The following SIDT1 variants were observed in gnomAD, a reference collection of about 807,000 sequenced individuals.
SIDT1 encodes the protein SID1 transmembrane family, member 1.
In SIDT1, 101 loss-of-function variants were observed where a neutral mutation model predicts 107.5. That is an observed-to-expected ratio of 0.94 (90% CI 0.80 to 1.11). The LOEUF (loss-of-function observed/expected upper bound fraction) is 1.11. Ranked by LOEUF, SIDT1 falls within the 50% of genes least tolerant of loss-of-function variation. The pLI is 0.00. For missense variants in SIDT1, 1,076 were observed against 1,058.2 expected (o/e 1.02, Z -0.23); for synonymous variants, 395 against 398.2 (o/e 0.99, Z 0.10).
intron 1 of SIDT1, among the ~76,000 whole-genome samples, chr3:113,545,114 T>TTA (rs1939436156): frequency 1.4e-5 from 1 of 73,968 alleles, no homozygotes; most frequent in Non-Finnish European, 2.4e-5. Flanking sequence ...GAGACTCTGT[T>TTA]AAAAAAAAAA....
chr3:113,614,423 A>G (rs1257838933), intron 19 of SIDT1, among the ~76,000 whole-genome samples: 1 of 152,188 alleles, frequency 6.6e-6, no homozygotes, highest in African/African-American at 2.4e-5. Context: ...GTACCCATGG[A>G]GTCTTCCCCA....
At chr3:113,616,639 T>A (rs775786491) in intron 20 of SIDT1, among the ~76,000 whole-genome samples, 1 of 152,080 alleles carries the variant, frequency 6.6e-6, no homozygotes, top group African/African-American at 2.4e-5. Context: ...CTGCACATCC[T>A]GCCCATGTAA....
At chr3:113,534,384 G>T (rs1166998132) in intron 1 of SIDT1, among the ~76,000 whole-genome samples, 1 of 152,202 alleles carries the variant, frequency 6.6e-6, no homozygotes, top group Non-Finnish European at 1.5e-5. Flanking sequence ...GCCAGAAAGT[G>T]CCCTGAGTGC....
At chr3:113,552,253 T>C (rs919693517) in intron 1 of SIDT1, among the ~76,000 whole-genome samples, 6 of 152,198 alleles carry the variant, frequency 3.9e-5, no homozygotes, top group Non-Finnish European at 8.8e-5. Flanking sequence ...GGAAGAATTA[T>C]AGCTTTCTAA....
intron 6 of SIDT1, chr3:113,581,747 C>G (rs1365262233): frequency 3.4e-6 from 1 of 294,774 alleles, no homozygotes; most frequent in African/African-American, 2.2e-5. Flanking sequence ...GTGGTGCACA[C>G]CTGCAATCCC....
At chr3:113,567,927 G>A (rs1386194176) in intron 3 of SIDT1, 1 of 459,392 alleles carries the variant, frequency 2.2e-6, no homozygotes, top group Admixed American at 4.0e-5. Context: ...TGACCTCACA[G>A]GTGAATCTGT....
chr3:113,602,227 C>A (rs570046442), intron 11 of SIDT1, among the ~76,000 whole-genome samples: 4 of 152,346 alleles, frequency 2.6e-5, no homozygotes, highest in Non-Finnish European at 5.9e-5. Context: ...GCTCATTGAG[C>A]TGCCTGCCCT....
At chr3:113,552,080 G>A (rs1266589869) in intron 1 of SIDT1, among the ~76,000 whole-genome samples, 2 of 152,062 alleles carry the variant, frequency 1.3e-5, no homozygotes, top group African/African-American at 4.8e-5. Context: ...TGTGAACAAC[G>A]TGACTCACAC....
intron 22 of SIDT1, 31 bp downstream of exon 22, chr3:113,623,563 G>A: frequency 1.9e-6 from 3 of 1,599,734 alleles, no homozygotes; most frequent in Non-Finnish European, 1.7e-6. Context: ...CGGCTACCTC[G>A]GGCCCTCGGG....
chr3:113,617,255 A>T (rs1254216516), intron 20 of SIDT1, among the ~76,000 whole-genome samples: 1 of 152,192 alleles, frequency 6.6e-6, no homozygotes, highest in Non-Finnish European at 1.5e-5. Flanking sequence ...GATTTTCACA[A>T]TGAGCAAGAA....
intron 2 of SIDT1, 54 bp downstream of exon 2, chr3:113,566,595 C>CT (rs1941939148): frequency 3.2e-6 from 5 of 1,573,218 alleles, no homozygotes; most frequent in Admixed American, 3.6e-5. Context: ...CTTCAATGTC[C>CT]TAGAACTTAA....
At chr3:113,617,045 G>C (rs954991072) in intron 20 of SIDT1, among the ~76,000 whole-genome samples, 1 of 152,130 alleles carries the variant, frequency 6.6e-6, no homozygotes. Flanking sequence ...TCATAGCTAT[G>C]GGGAGGATCA....
At chr3:113,613,275 G>T (rs1000449328) in intron 19 of SIDT1, among the ~76,000 whole-genome samples, 3 of 152,314 alleles carry the variant, frequency 2.0e-5, no homozygotes, top group Admixed American at 1.3e-4. Context: ...AGGGAAGGGG[G>T]CTATGCAGGC....
chr3:113,586,285 G>T (rs141388691), intron 9 of SIDT1, among the ~76,000 whole-genome samples: 1 of 152,116 alleles, frequency 6.6e-6, no homozygotes, highest in Non-Finnish European at 1.5e-5. Flanking sequence ...AAAAATAGAA[G>T]TGTATGAGTC....
Position 113,626,225 on chromosome 3 carries a change from T to C in SIDT1, c.2421+10T>C, listed in dbSNP as rs775453252. On this transcript the variant is annotated intron_variant, in intron 24 of 24. Coordinates refer to ENST00000264852, the MANE Select transcript of SIDT1 (RefSeq NM_017699.3). ...GTTTTTCTCATTCTTGGTGAGTTCA[T>C]ATCTATCTTTTTGTGACTTTCTTCT... 11 of 1,564,130 alleles carry C rather than the reference T, an allele frequency of 7.0e-6. 1 individual carries two copies. The South Asian group carries it at 1.1e-4, about 16-fold the overall frequency.
At chr3:113,543,581 G>C (rs189916874) in intron 1 of SIDT1, among the ~76,000 whole-genome samples, 1 of 152,158 alleles carries the variant, frequency 6.6e-6, no homozygotes, top group Admixed American at 6.5e-5. Flanking sequence ...GTTTTTTTTA[G>C]ATGTTTTCCC....
chr3:113,535,103 C>G (rs115604766), intron 1 of SIDT1, among the ~76,000 whole-genome samples: 2 of 152,258 alleles, frequency 1.3e-5, no homozygotes, highest in East Asian at 1.9e-4. Context: ...GAGACCCTCT[C>G]TCTACAAAAA....
intron 10 of SIDT1, among the ~76,000 whole-genome samples, chr3:113,597,966 T>C (rs1198414848): frequency 1.3e-5 from 2 of 152,258 alleles, no homozygotes; most frequent in Non-Finnish European, 2.9e-5. Context: ...CCTTGGTTTT[T>C]GCATTCTTAA....
rs577778630 is a variant in SIDT1 at position 113,615,104 on chromosome 3, G to A, written c.1967-996G>A. On this transcript the variant is annotated intron_variant, in intron 19 of 24. Coordinates refer to ENST00000264852, the MANE Select transcript of SIDT1 (RefSeq NM_017699.3). ...TAATGTTCAGCCACCCTTTCCAGGG[G>A]TCTAGATTGTTTTTGTATCAAAGTG... 1,228 of 1,535,396 alleles carry A rather than the reference G, an allele frequency of 8.0e-4. 15 individuals carry two copies. The South Asian group carries it at 8.7e-3, about 11-fold the overall frequency.
Sources: allele counts gnomAD v4.1 joint callset (sites outside exome capture counted in the v4.1 genomes callset), GRCh38; gene constraint gnomAD v4.1.1; transcripts MANE v1.5; gene names NCBI Gene and HGNC (gene_info 2026-07-23, HGNC 2026-07-21).